Variants in ITSN1 observed in about 807,000 individuals in gnomAD.
ITSN1 encodes intersectin-1.
A neutral mutation model predicts 239.8 loss-of-function variants in ITSN1; 58 were observed. That is an observed-to-expected ratio of 0.24 (90% CI 0.20 to 0.30). The LOEUF is 0.30. Among genes scored for constraint, ITSN1 ranks in the 10% least tolerant of loss-of-function variants. The pLI, the probability that ITSN1 is intolerant of heterozygous loss-of-function variation, is 1.00. For missense variants in ITSN1, 1,558 were observed against 2,103.3 expected, an observed-to-expected ratio of 0.74 and a Z score of 5.07; for synonymous variants, 780 against 770.8, an observed-to-expected ratio of 1.01 and a Z score of -0.20.
chr21:33,658,318 T>C (rs1201983218), intron 1 of ITSN1, among the ~76,000 whole-genome samples: 1 of 152,156 alleles, frequency 6.6e-6, no homozygotes, highest in Non-Finnish European at 1.5e-5. Flanking sequence ...AATCTGAATA[T>C]GAGTGGACCC....
At chr21:33,847,403 T>A (rs1248664879) in intron 29 of ITSN1, among the ~76,000 whole-genome samples, 1 of 152,224 alleles carries the variant, frequency 6.6e-6, no homozygotes, top group Non-Finnish European at 1.5e-5. Context: ...GAGAAAAGCT[T>A]AAGGACCACC....
At chr21:33,699,658 G>T (rs1210374168) in intron 1 of ITSN1, among the ~76,000 whole-genome samples, 4 of 152,250 alleles carry the variant, frequency 2.6e-5, no homozygotes, top group Admixed American at 6.5e-5. Flanking sequence ...TGTGGAGGTT[G>T]TGGTGAACTG....
chr21:33,869,566 T>C (rs1982355412), intron 33 of ITSN1, among the ~76,000 whole-genome samples: 1 of 152,222 alleles, frequency 6.6e-6, no homozygotes, highest in Non-Finnish European at 1.5e-5. Context: ...CCTGTCACTT[T>C]GAGAAAGCCG....
chr21:33,728,297 A>T (rs2065952544), intron 4 of ITSN1, among the ~76,000 whole-genome samples: 1 of 150,366 alleles, frequency 6.7e-6, no homozygotes, highest in Admixed American at 6.7e-5. Flanking sequence ...CAGTGGTGCG[A>T]TCTCAGCTCA....
In ITSN1 at chr21:33,865,820, G is replaced by C. The variant is rs1463558742; in HGVS notation, c.4074+486G>C. ...AGACAGCCTGTGGGAGTCAGTGTGG[G>C]ATGCCAGGACCTCTTCCTTGGAGGT... On this transcript the variant is annotated intron_variant, in intron 32 of 39. Coordinates refer to ENST00000381318, the MANE Select transcript of ITSN1 (RefSeq NM_003024.3). The surrounding 1 kb of genome is among the most constrained non-coding windows in gnomAD (Gnocchi z 4.4). Among the ~76,000 whole-genome samples, 2 of 152,102 alleles carry C rather than the reference G, an allele frequency of 1.3e-5. No homozygotes were observed. Among genetic ancestry groups the C allele is most frequent in the African/African-American group, 4.8e-5 (2 of 41,430 alleles).
intron 4 of ITSN1, among the ~76,000 whole-genome samples, chr21:33,730,012 T>A (rs945176666): frequency 6.6e-6 from 1 of 152,238 alleles, no homozygotes; most frequent in Non-Finnish European, 1.5e-5. Context: ...CTATGTGAAG[T>A]TACTTGGACT....
intron 4 of ITSN1, among the ~76,000 whole-genome samples, chr21:33,734,336 C>T (rs1277018678): frequency 6.6e-6 from 1 of 152,102 alleles, no homozygotes; most frequent in South Asian, 2.1e-4. Flanking sequence ...CATTAAAGCT[C>T]ATTACAGTTT....
chr21:33,651,525 G>A (rs114341957), intron 1 of ITSN1, among the ~76,000 whole-genome samples: 2,786 of 152,202 alleles, frequency 0.018, 93 homozygotes, highest in African/African-American at 0.064. Flanking sequence ...GTTTCTCTGA[G>A]GAAAAGAGAA....
chr21:33,780,413 G>C (rs567840755), intron 14 of ITSN1, among the ~76,000 whole-genome samples: 2 of 152,274 alleles, frequency 1.3e-5, no homozygotes, highest in Non-Finnish European at 2.9e-5. Flanking sequence ...GCAGATACTT[G>C]CTTTGGAGAT....
chr21:33,748,691 A>G (rs962907946), intron 5 of ITSN1, among the ~76,000 whole-genome samples: 1 of 150,494 alleles, frequency 6.6e-6, no homozygotes, highest in Non-Finnish European at 1.5e-5. Context: ...CCACCAAAAA[A>G]AAAAATACAC....
At chr21:33,700,621 T>TTAA (rs1438173576) in intron 1 of ITSN1, among the ~76,000 whole-genome samples, 8 of 152,212 alleles carry the variant, frequency 5.3e-5, no homozygotes, top group African/African-American at 1.7e-4. Context: ...CAGTAGGTTC[T>TTAA]TAATTACTGA....
At chr21:33,678,237 A>G (rs2090715839) in intron 1 of ITSN1, among the ~76,000 whole-genome samples, 1 of 152,148 alleles carries the variant, frequency 6.6e-6, no homozygotes, top group Non-Finnish European at 1.5e-5. Context: ...GCTACCTCTG[A>G]TGTCTTCTCA....
rs1986383081 is a variant in ITSN1, at chr21:33,891,837, T to C, written c.*3537T>C. 1 of 152,236 alleles carries C rather than the reference T, an allele frequency of 6.6e-6. No homozygotes were observed. Among genetic ancestry groups the C allele is most frequent in the Admixed American group, 6.5e-5 (1 of 15,292 alleles). 9.4% of individuals were successfully genotyped at this position (152,236 alleles called of 1,614,324 possible). On this transcript the variant is annotated 3_prime_UTR_variant, in exon 40 of 40. Coordinates refer to ENST00000381318, the MANE Select transcript of ITSN1 (RefSeq NM_003024.3). Reference sequence around the variant, plus strand: ...CAGAAAAAGACTTCTCTATCTCCACTCCAAGTCGTTTTTTTCTAGTTGATT... The same window carrying C: ...CAGAAAAAGACTTCTCTATCTCCACCCCAAGTCGTTTTTTTCTAGTTGATT...
rs1197812587 is a variant in ITSN1 at position 33,882,693 on chromosome 21, C to T, written c.4554+238C>T. Among the ~76,000 whole-genome samples the T allele has an allele frequency of 6.6e-6, 1 of 152,066 alleles. No individual in the cohort carries two copies. The highest frequency in any genetic ancestry group is 1.9e-4 in the East Asian group (1 of 5,196). On this transcript the variant is annotated intron_variant, in intron 35 of 39. Coordinates refer to ENST00000381318, the MANE Select transcript of ITSN1 (RefSeq NM_003024.3). This position sits in a 1 kb window ranked among gnomAD's most constrained non-coding sequence, Gnocchi z 4.5. ...GGCTGCCAAATGGCTGCTGTGGTCC[C>T]CTGGGATGTGACAGAGGCATGCTTT...
intron 29 of ITSN1, among the ~76,000 whole-genome samples, chr21:33,853,628 T>C (rs141268093): frequency 2.6e-5 from 4 of 152,320 alleles, no homozygotes; most frequent in South Asian, 2.1e-4. Flanking sequence ...CGCACCTCCA[T>C]GCTGCAGACT....
intron 1 of ITSN1, among the ~76,000 whole-genome samples, chr21:33,685,223 T>G (rs768722193): frequency 2.0e-5 from 3 of 152,208 alleles, no homozygotes; most frequent in Non-Finnish European, 2.9e-5. Flanking sequence ...GAGCTTATGT[T>G]TTAAGAAAGG....
At chr21:33,764,662 CA>C (rs1203307550) in intron 9 of ITSN1, among the ~76,000 whole-genome samples, 2 of 152,042 alleles carry the variant, frequency 1.3e-5, no homozygotes, top group Admixed American at 6.6e-5. Flanking sequence ...GAAATTATAA[CA>C]AAAAAAGTTT....
intron 34 of ITSN1, among the ~76,000 whole-genome samples, chr21:33,876,164 T>C (rs569657629): frequency 3.4e-5 from 5 of 145,430 alleles, no homozygotes; most frequent in East Asian, 2.0e-4. Context: ...TCTCTCTCCC[T>C]CTTTCTTTCT....
At chr21:33,667,002 G>A (rs2089972696) in intron 1 of ITSN1, among the ~76,000 whole-genome samples, 2 of 151,968 alleles carry the variant, frequency 1.3e-5, no homozygotes, top group Non-Finnish European at 1.5e-5. Context: ...TTTTCATAGA[G>A]ATGGGGTTTT....
Sources: allele counts gnomAD v4.1 joint callset (sites outside exome capture counted in the v4.1 genomes callset), GRCh38; gene constraint gnomAD v4.1.1; non-coding constraint Gnocchi (gnomAD v3.1); transcripts MANE v1.5; gene names NCBI Gene and HGNC (gene_info 2026-07-23, HGNC 2026-07-21).